The following GPHN variants were observed in gnomAD, a reference collection of about 807,000 sequenced individuals.
GPHN encodes gephyrin.
Under a neutral mutation model 95.5 loss-of-function variants are expected in GPHN, and 17 were observed. That is an observed-to-expected ratio of 0.18 (90% CI 0.12 to 0.27). The LOEUF is 0.27. Among genes scored for constraint, GPHN ranks in the 10% least tolerant of loss-of-function variants. GPHN has a pLI of 1.00. For synonymous variants in GPHN, 320 were observed against 322.5 expected, an observed-to-expected ratio of 0.99 and a Z score of 0.08; for missense variants, 660 against 978.1, an observed-to-expected ratio of 0.67 and a Z score of 4.34.
At chr14:67,459,924 C>A in the GPHN span, among the ~76,000 whole-genome samples, 1 of 152,184 alleles carries the variant, frequency 6.6e-6, no homozygotes, top group African/African-American at 2.4e-5. Flanking sequence ...CAGTGCAAAA[C>A]TGCAAACATG....
the GPHN span, chr14:67,617,223 C>T: frequency 6.6e-6 from 1 of 152,182 alleles, no homozygotes; most frequent in Non-Finnish European, 1.5e-5. Context: ...GTCACCTAGG[C>T]TGCAATGCAA....
At chr14:67,693,986 C>T in the GPHN span, among the ~76,000 whole-genome samples, 2 of 152,100 alleles carry the variant, frequency 1.3e-5, no homozygotes, top group Admixed American at 1.3e-4. Context: ...ACTATATTGC[C>T]TTTTCCAAAT....
chr14:67,272,410 T>C, the GPHN span, among the ~76,000 whole-genome samples: 1 of 152,190 alleles, frequency 6.6e-6, no homozygotes, highest in Non-Finnish European at 1.5e-5. Context: ...GAAATGGGCA[T>C]ATTTGGATCT....
At chr14:66,571,988 G>T (rs1477722892) in intron 1 of GPHN, among the ~76,000 whole-genome samples, 1 of 152,168 alleles carries the variant, frequency 6.6e-6, no homozygotes, top group East Asian at 1.9e-4. Flanking sequence ...TCTACTGCAT[G>T]TGGATTTTCA....
intron 1 of GPHN, among the ~76,000 whole-genome samples, chr14:66,591,935 C>T (rs2061666178): frequency 6.6e-6 from 1 of 152,186 alleles, no homozygotes; most frequent in Admixed American, 6.5e-5. Context: ...ACTAAAACAG[C>T]ATGTTACTGG....
rs78102284 is a variant in GPHN at position 66,557,031 on chromosome 14, A to G, written c.64+48440A>G. ...TGGCCAAGATGACAAGACCGTTTCT[A>G]TACAAAAATAAAACTAAAAAATAAA... is the stretch of plus-strand genomic sequence containing the variant. On this transcript the variant is annotated intron_variant, in intron 1 of 22. Coordinates refer to ENST00000478722, the MANE Select transcript of GPHN (RefSeq NM_020806.5). Among the ~76,000 whole-genome samples the G allele has an allele frequency of 3.6e-3, 554 of 152,128 alleles. 12 individuals carry two copies. Among genetic ancestry groups the G allele is most frequent in the African/African-American group, 0.013 (528 of 41,500 alleles).
intron 19 of GPHN, among the ~76,000 whole-genome samples, chr14:67,163,760 G>GA (rs770786731): frequency 2.0e-5 from 3 of 151,774 alleles, no homozygotes; most frequent in Non-Finnish European, 4.4e-5. Flanking sequence ...TCATCTGTAT[G>GA]AAAAAAGTAT....
At chr14:66,608,496 A>G (rs2062644020) in intron 1 of GPHN, among the ~76,000 whole-genome samples, 1 of 152,108 alleles carries the variant, frequency 6.6e-6, no homozygotes, top group Admixed American at 6.6e-5. Context: ...GATGTCTATT[A>G]GGTCCCATTG....
At chr14:67,637,619 T>C in the GPHN span, among the ~76,000 whole-genome samples, 1 of 152,094 alleles carries the variant, frequency 6.6e-6, no homozygotes, top group African/African-American at 2.4e-5. Flanking sequence ...CTTTGGGTAT[T>C]GGTAGTACCC....
rs542510362 is a variant in GPHN at position 66,592,036 on chromosome 14, G to C, written c.64+83445G>C. Reference sequence around the variant, plus strand: ...CAGCCATCTTATCTTTGGCAAACTTGACAAAAGCAATGGGGAAACGATTCC... The same window carrying C: ...CAGCCATCTTATCTTTGGCAAACTTCACAAAAGCAATGGGGAAACGATTCC... On this transcript the variant is annotated intron_variant, in intron 1 of 22. Transcript: ENST00000478722. Among the ~76,000 whole-genome samples, 18 of 151,454 alleles carry C rather than the reference G, an allele frequency of 1.2e-4. No individual in the cohort carries two copies. In the East Asian group the frequency reaches 3.5e-3, roughly 29 times the overall value.
chr14:67,167,957 A>T (rs1031183440), intron 20 of GPHN, among the ~76,000 whole-genome samples: 6 of 152,216 alleles, frequency 3.9e-5, no homozygotes, highest in Non-Finnish European at 8.8e-5. Context: ...TGTACGACAC[A>T]CCTAGATTTC....
chr14:66,553,849 A>G (rs1322167263), intron 1 of GPHN, among the ~76,000 whole-genome samples: 1 of 152,224 alleles, frequency 6.6e-6, no homozygotes, highest in Non-Finnish European at 1.5e-5. Flanking sequence ...TGCTGGGATT[A>G]CAGGCATGAG....
chr14:67,591,917 CTGA>C, the GPHN span: 1 of 150,342 alleles, frequency 6.7e-6, no homozygotes, highest in Non-Finnish European at 1.5e-5. Flanking sequence ...GCTAAATAAA[CTGA>C]TATTTCAATA....
At chr14:67,638,980 A>G in the GPHN span, among the ~76,000 whole-genome samples, 1 of 152,248 alleles carries the variant, frequency 6.6e-6, no homozygotes, top group Non-Finnish European at 1.5e-5. Flanking sequence ...ATGGAGTTGG[A>G]CAATGTGGAC....
chr14:67,110,616 G>GT (rs1244739251), intron 14 of GPHN, among the ~76,000 whole-genome samples: 1 of 152,144 alleles, frequency 6.6e-6, no homozygotes, highest in Non-Finnish European at 1.5e-5. Flanking sequence ...GATATTAATG[G>GT]TTGACATACC....
chr14:66,697,020 G>C (rs2068146542), intron 2 of GPHN, among the ~76,000 whole-genome samples: 1 of 152,116 alleles, frequency 6.6e-6, no homozygotes, highest in Non-Finnish European at 1.5e-5. Flanking sequence ...GGAAAGTAAT[G>C]ACTTATTATC....
intron 1 of GPHN, among the ~76,000 whole-genome samples, chr14:66,635,091 C>T (rs552946981): frequency 4.6e-5 from 7 of 152,230 alleles, no homozygotes; most frequent in South Asian, 4.1e-4. Context: ...TCAGCTGGAG[C>T]TGTTGACAAT....
intron 8 of GPHN, among the ~76,000 whole-genome samples, chr14:66,960,292 T>C (rs964727795): frequency 2.6e-5 from 4 of 151,122 alleles, no homozygotes; most frequent in Non-Finnish European, 5.9e-5. Flanking sequence ...TTTTTTTTTT[T>C]CCCTGTGTAC....
the GPHN span, chr14:67,335,092 T>C: frequency 6.6e-6 from 1 of 152,136 alleles, no homozygotes; most frequent in Non-Finnish European, 1.5e-5. Flanking sequence ...GCAGAGGTGA[T>C]GCCATGCCAT....
Sources: gnomAD v4.1 joint callset for allele counts (sites outside exome capture counted in the v4.1 genomes callset) on GRCh38, gnomAD v4.1.1 for gene constraint, MANE v1.5 for transcripts, NCBI Gene and HGNC (gene_info 2026-07-23, HGNC 2026-07-21) for gene names.